SMG5: variants seen among roughly 807,000 people sequenced by gnomAD.
SMG5 encodes the protein SMG5 nonsense mediated mRNA decay factor.
SMG5 carries 53 observed loss-of-function variants against 122.9 expected under a neutral mutation model. The ratio of observed to expected loss-of-function variants is 0.43; its 90% CI spans 0.35 to 0.54. The LOEUF (loss-of-function observed/expected upper bound fraction) is 0.54, where lower values mean the gene tolerates loss of function less well. Among genes scored for constraint, SMG5 ranks in the 20% least tolerant of loss-of-function variants. The probability of loss-of-function intolerance (pLI) is 0.01; values close to 1 mark genes in which losing one functional copy is unlikely to be tolerated. For synonymous variants in SMG5, 477 were observed against 490.2 expected (o/e 0.97, Z 0.35); for missense variants, 1,153 against 1,285.6 (o/e 0.90, Z 1.58).
At chr1:156,286,973 A>T (rs1663186350), upstream of SMG5, among the ~76,000 whole-genome samples, 1 of 152,072 alleles carries the variant, frequency 6.6e-6, no homozygotes, top group South Asian at 2.1e-4. Context: ...AAATACAAAA[A>T]TTAGCTGGGC....
At chr1:156,284,251 A>G (rs1663081560), upstream of SMG5, 1 of 152,198 alleles carries the variant, frequency 6.6e-6, no homozygotes. Flanking sequence ...TGCCCCTTTA[A>G]GCTGGGCCCC....
At chr1:156,272,440 T>G (rs766740048) in intron 6 of SMG5, 42 bp from the exon 7 acceptor site, 15 of 1,535,322 alleles carry the variant, frequency 9.8e-6, no homozygotes, top group Non-Finnish European at 1.3e-5. Flanking sequence ...GCCACAATAC[T>G]CATTCAAAGC....
chr1:156,275,360 A>G (rs1662636294), intron 4 of SMG5, among the ~76,000 whole-genome samples: 1 of 152,168 alleles, frequency 6.6e-6, no homozygotes, highest in Admixed American at 6.5e-5. Flanking sequence ...TTCCCAAGAA[A>G]CTGCCTGGTA....
chr1:156,265,223 TAA>T (rs562516659), intron 12 of SMG5, among the ~76,000 whole-genome samples: 8 of 135,640 alleles, frequency 5.9e-5, no homozygotes, highest in Admixed American at 7.6e-5. Flanking sequence ...ACCCTGTCTT[TAA>T]AAAAAAAAAA....
intron 16 of SMG5, among the ~76,000 whole-genome samples, chr1:156,254,269 G>A (rs576456976): frequency 1.8e-4 from 28 of 152,044 alleles, no homozygotes; most frequent in Admixed American, 4.6e-4. Context: ...CTACAACCAA[G>A]GCAATCTTTT....
rs1661178927 is a variant in SMG5, at chr1:156,249,229, C to G, written c.*1358G>C. On this transcript the variant is annotated 3_prime_UTR_variant, in exon 22 of 22. Coordinates refer to ENST00000361813, the MANE Select transcript of SMG5 (RefSeq NM_015327.3). ...CAGGCACCAGGAGACAGGGATTGGG[C>G]TTGGGGGGTTTATTAAGTGATGCTT... 5.9e-6 allele frequency: 1 copy of G among 169,854 alleles called. No homozygotes were observed. Among genetic ancestry groups the G allele is most frequent in the African/African-American group, 2.4e-5 (1 of 41,828 alleles). 10.5% of individuals were successfully genotyped at this position (169,854 alleles called of 1,614,324 possible).
Position 156,278,997 on chromosome 1 carries a change from G to C in SMG5, c.112C>G (p.Leu38Val). The C allele has an allele frequency of 6.2e-7, 1 of 1,614,178 alleles. No homozygotes were observed. The highest frequency in any genetic ancestry group is 1.1e-5 in the South Asian group (1 of 91,086). ...TCTTGATAAGCAGTTTTGTTGCAAA[G>C]GATGAGGTCAAGTCGATGCACAGCC... is the stretch of plus-strand genomic sequence containing the variant. ...VEAVHRLDLI[L>V]CNKTAYQEVF... The change falls in exon 2 of 22, where the codon CTT becomes GTT. Residue 38 changes from leucine to valine, a missense_variant. Coordinates refer to ENST00000361813, the MANE Select transcript of SMG5 (RefSeq NM_015327.3).
intron 17 of SMG5, 39 bp from the exon 18 acceptor site, chr1:156,253,117 C>T (rs760430050): frequency 6.5e-7 from 1 of 1,535,802 alleles, no homozygotes. Flanking sequence ...CTGTGGGGGA[C>T]CCCTGCAGCC....
At chr1:156,255,731 G>C (rs1040724137) in intron 16 of SMG5, among the ~76,000 whole-genome samples, 4 of 151,710 alleles carry the variant, frequency 2.6e-5, no homozygotes, top group African/African-American at 9.7e-5. Flanking sequence ...ACAAAAAAAA[G>C]TATATTTTTT....
At chr1:156,273,718 CTTTTT>C (rs748042052) in intron 5 of SMG5, among the ~76,000 whole-genome samples, 3 of 116,312 alleles carry the variant, frequency 2.6e-5, no homozygotes, top group Non-Finnish European at 3.5e-5. Flanking sequence ...GTTTTGTTTT[CTTTTT>C]TTTTTTTTTT....
chr1:156,253,518 A>G lies in SMG5; in HGVS notation c.2443-10T>C. On this transcript the variant is annotated splice_polypyrimidine_tract_variant and intron_variant, in intron 16 of 21. Transcript: ENST00000361813. ...GAGCTTCCTCCTGTGCCTATGAGGGAAAAAATGAGCTGTAAGGAGTTGGGG... is the reference window on the plus strand; with the variant it reads ...GAGCTTCCTCCTGTGCCTATGAGGGGAAAAATGAGCTGTAAGGAGTTGGGG... 1 of 1,613,766 alleles carries G rather than the reference A, an allele frequency of 6.2e-7. No homozygotes were observed.
chr1:156,284,980 G>A (rs572149665), upstream of SMG5, among the ~76,000 whole-genome samples: 4 of 152,204 alleles, frequency 2.6e-5, no homozygotes, highest in East Asian at 1.9e-4. Context: ...ATTTGATGTC[G>A]AAAGGGTGCC....
In SMG5 at chr1:156,266,290, T is replaced by C. The variant is rs1448225109; in HGVS notation, c.1346A>G (p.Lys449Arg). The change falls in exon 12 of 22, where the codon AAG (lysine) becomes AGG (arginine). Residue 449 changes from lysine (K) to arginine (R), a missense_variant. By Grantham distance (26) the Lys-to-Arg change is conservative. Transcript: ENST00000361813. ...PVTPQVGEGR[K>R]SRKFSRLSCL... ...GGAGAGGCGAGAGAACTTACGGCTC[T>C]TTCTGCCCTCACCCACTTGGGGTGT... The C allele has an allele frequency of 2.5e-6, 4 of 1,614,078 alleles. No individual in the cohort carries two copies. Among genetic ancestry groups the C allele is most frequent in the African/African-American group, 2.7e-5 (2 of 74,942 alleles).
intron 4 of SMG5, 38 bp downstream of exon 4, chr1:156,277,046 TG>T (rs1662714193): frequency 6.3e-7 from 1 of 1,594,608 alleles, no homozygotes; most frequent in East Asian, 2.2e-5. Context: ...GGTAGAAGCA[TG>T]AGAACCTGCT....
In SMG5 at chr1:156,274,813, C is replaced by T. The variant is rs1018838939; in HGVS notation, c.455-127G>A. On this transcript the variant is annotated intron_variant, in intron 4 of 21. Coordinates refer to ENST00000361813, the MANE Select transcript of SMG5 (RefSeq NM_015327.3). ...AGTCTTGGAACATTGTCTTTCAGGG[C>T]AGAGACACACTCATCCAGGACACAG... The T allele has an allele frequency of 7.1e-6, 5 of 702,706 alleles. No homozygotes were observed. In the African/African-American group the frequency reaches 8.9e-5, roughly 13 times the overall value. The allele number at this position is 702,706 out of a possible 1,614,324, so 43.5% of individuals were successfully genotyped here. A position where few individuals can be genotyped will look rare whatever the true frequency, so the allele number is the denominator to read the frequency against.
At chr1:156,263,284 G>T in intron 13 of SMG5, 111 bp downstream of exon 13, 2 of 1,219,778 alleles carry the variant, frequency 1.6e-6, no homozygotes, top group South Asian at 1.5e-5. Context: ...TTAATTGCTT[G>T]GCAATAATTC....
intron 1 of SMG5, among the ~76,000 whole-genome samples, chr1:156,281,368 C>G (rs895125127): frequency 9.2e-5 from 14 of 152,208 alleles, no homozygotes; most frequent in Non-Finnish European, 1.5e-4. Context: ...ACACTGCCCA[C>G]GCTCTGTCTG....
At chr1:156,256,894 T>C (rs1390028579) in intron 16 of SMG5, among the ~76,000 whole-genome samples, 4 of 151,816 alleles carry the variant, frequency 2.6e-5, no homozygotes, top group Admixed American at 2.6e-4. Flanking sequence ...CTTGGGAATG[T>C]TCCTTTGTCT....
At chr1:156,279,138 G>T in intron 1 of SMG5, 104 bp from the exon 2 acceptor site, 1 of 970,904 alleles carries the variant, frequency 1.0e-6, no homozygotes, top group Non-Finnish European at 1.6e-6. Context: ...TTAGCGGTGA[G>T]GGAAAAAGGA....
Sources: gnomAD v4.1 joint callset for allele counts (sites outside exome capture counted in the v4.1 genomes callset) on GRCh38, gnomAD v4.1.1 for gene constraint, MANE v1.5 for transcripts, NCBI Gene and HGNC (gene_info 2026-07-23, HGNC 2026-07-21) for gene names.